ZDHHC13: variants seen among roughly 807,000 people sequenced by gnomAD.
The protein encoded by ZDHHC13 is palmitoyltransferase ZDHHC13.
Under a neutral mutation model 86.0 loss-of-function variants are expected in ZDHHC13, and 85 were observed. The observed-to-expected ratio is 0.99, with a 90% CI of 0.83 to 1.18. The LOEUF (loss-of-function observed/expected upper bound fraction) is 1.18. Among genes scored for constraint, ZDHHC13 ranks in the 50% most tolerant of loss-of-function variants. ZDHHC13 has a pLI of 0.00. For synonymous variants in ZDHHC13, 263 were observed against 246.4 expected, an observed-to-expected ratio of 1.07 and a Z score of -0.63; for missense variants, 711 against 730.2, an observed-to-expected ratio of 0.97 and a Z score of 0.30.
chr11:19,119,151 G>C (rs1256729846), intron 1 of ZDHHC13, among the ~76,000 whole-genome samples: 1 of 151,388 alleles, frequency 6.6e-6, no homozygotes, highest in Non-Finnish European at 1.5e-5. Flanking sequence ...TTGCTCTGTT[G>C]CCAGGCTGGA....
At chr11:19,155,761 T>C in intron 8 of ZDHHC13, 35 bp from the exon 9 acceptor site, 1 of 1,601,056 alleles carries the variant, frequency 6.2e-7, no homozygotes, top group South Asian at 1.1e-5. Context: ...AGAGGTAAAA[T>C]CCATAAAGTT....
In ZDHHC13 at chr11:19,174,496, A is replaced by G. The variant is rs187193065; in HGVS notation, c.1731-1326A>G. Among the ~76,000 whole-genome samples the G allele has an allele frequency of 2.4e-3, 369 of 152,370 alleles. 5 individuals are homozygous for G. The highest frequency in any genetic ancestry group is 8.5e-3 in the African/African-American group (354 of 41,584). On this transcript the variant is annotated intron_variant, in intron 16 of 16. Coordinates refer to ENST00000446113, the MANE Select transcript of ZDHHC13 (RefSeq NM_019028.3). ...TTGGTCCTTTACTGGCAGCAATGCCATCATCCCCATGCAGAACACAATCTT... is the reference window on the plus strand; with the variant it reads ...TTGGTCCTTTACTGGCAGCAATGCCGTCATCCCCATGCAGAACACAATCTT...
Position 19,134,765 on chromosome 11 carries a change from G to T in ZDHHC13, c.28-8213G>T, listed in dbSNP as rs769855392. Among the ~76,000 whole-genome samples the T allele has an allele frequency of 3.9e-3, 595 of 152,192 alleles. 3 individuals carry two copies. Among genetic ancestry groups the T allele is most frequent in the Non-Finnish European group, 5.1e-3 (344 of 68,014 alleles). On this transcript the variant is annotated intron_variant, in intron 1 of 16. Coordinates refer to ENST00000446113, the MANE Select transcript of ZDHHC13 (RefSeq NM_019028.3). ...GAGGAATACGTAATGTAGATGACAGGTTGATGGGTGCAGCAAACCACCATG... is the reference window on the plus strand; with the variant it reads ...GAGGAATACGTAATGTAGATGACAGTTTGATGGGTGCAGCAAACCACCATG...
At chr11:19,150,126 T>C (rs1218907526) in intron 5 of ZDHHC13, among the ~76,000 whole-genome samples, 1 of 152,188 alleles carries the variant, frequency 6.6e-6, no homozygotes, top group Non-Finnish European at 1.5e-5. Flanking sequence ...CTGTTTTTCT[T>C]TGGCTTAGCT....
intron 13 of ZDHHC13, 149 bp downstream of exon 13, chr11:19,165,294 C>T: frequency 1.4e-6 from 1 of 702,946 alleles, no homozygotes; most frequent in Non-Finnish European, 2.4e-6. Flanking sequence ...TATTATGCTA[C>T]AGGTAACATA....
rs1329996759 is a variant in ZDHHC13, at chr11:19,175,887, G to C, written c.1796G>C (p.Cys599Ser). ...QCGCFGLVKP[C>S]VVDWTSQYTM... ...GGCTGCTTTGGCTTGGTGAAGCCCTGTGTGGTAGATTGGACATCACAGTAC... is the reference window on the plus strand; with the variant it reads ...GGCTGCTTTGGCTTGGTGAAGCCCTCTGTGGTAGATTGGACATCACAGTAC... Residue 599 changes from cysteine (C) to serine (S), a missense_variant, in exon 17 of 17, where the codon TGT becomes TCT. Physicochemically the swap from Cys to Ser is moderately radical, Grantham distance 112. Transcript: ENST00000446113. 1 of 1,613,516 alleles carries C rather than the reference G, an allele frequency of 6.2e-7. No individual in the cohort carries two copies. The highest frequency in any genetic ancestry group is 1.3e-5 in the African/African-American group (1 of 74,894).
intron 2 of ZDHHC13, among the ~76,000 whole-genome samples, chr11:19,143,877 C>A (rs1000295298): frequency 6.6e-6 from 1 of 152,164 alleles, no homozygotes; most frequent in African/African-American, 2.4e-5. Flanking sequence ...AAGTATTAAT[C>A]CATTTTTGTA....
At chr11:19,135,121 C>T (rs552321111) in intron 1 of ZDHHC13, among the ~76,000 whole-genome samples, 10 of 152,336 alleles carry the variant, frequency 6.6e-5, no homozygotes, top group South Asian at 2.1e-4. Context: ...GCGCGAGCGA[C>T]GCAGAAGACG....
At chr11:19,138,979 A>G (rs1439153096) in intron 1 of ZDHHC13, among the ~76,000 whole-genome samples, 1 of 151,982 alleles carries the variant, frequency 6.6e-6, no homozygotes, top group Non-Finnish European at 1.5e-5. Flanking sequence ...CAAAAACTGG[A>G]AGCATTCCCT....
At position 19,143,099 on chromosome 11, in the gene ZDHHC13, A is replaced by G; in HGVS notation, c.149A>G (p.Asn50Ser). The G allele has an allele frequency of 6.2e-7, 1 of 1,612,820 alleles. No individual in the cohort carries two copies. The highest frequency in any genetic ancestry group is 1.1e-5 in the South Asian group (1 of 90,960). Residue 50 changes from asparagine to serine, a missense_variant, in exon 2 of 17, where the codon AAC becomes AGC. Physicochemically the swap from Asn to Ser is conservative, Grantham distance 46 (BLOSUM62 1). Coordinates refer to ENST00000446113, the MANE Select transcript of ZDHHC13 (RefSeq NM_019028.3). ...CTTCCTCTTATAGAGGACTCTAGTA[A>G]CTGTGACATTGTCAAAGCTACTCAG... ...EALPLIEDSS[N>S]CDIVKATQYG...
chr11:19,141,240 T>C (rs1157550733), intron 1 of ZDHHC13, among the ~76,000 whole-genome samples: 1 of 152,152 alleles, frequency 6.6e-6, no homozygotes, highest in Non-Finnish European at 1.5e-5. Context: ...TTGGTTATTA[T>C]GTAAATGAGT....
intron 1 of ZDHHC13, among the ~76,000 whole-genome samples, chr11:19,137,744 A>C (rs1241350939): frequency 1.3e-5 from 2 of 152,264 alleles, no homozygotes; most frequent in African/African-American, 4.8e-5. Context: ...ACTAGAACTC[A>C]GGATTAAGAA....
In ZDHHC13 at chr11:19,117,359, C is replaced by A. The variant is rs921038913; in HGVS notation, c.27+83C>A. 8 of 1,334,350 alleles carry A rather than the reference C, an allele frequency of 6.0e-6. No homozygotes were observed. Among genetic ancestry groups the A allele is most frequent in the Non-Finnish European group, 6.8e-6 (7 of 1,025,152 alleles). The allele number at this position is 1,334,350 out of a possible 1,614,324, so 82.7% of individuals were successfully genotyped here. A position where few individuals can be genotyped will look rare whatever the true frequency, so the allele number is the denominator to read the frequency against. ...AGGAAAGGATGGTGTGGGTGAGAGG[C>A]CGCTCGATGAGGGGGTTTCGGGAGC... On this transcript the variant is annotated intron_variant, in intron 1 of 16. Transcript: ENST00000446113. This position sits in a 1 kb window ranked among gnomAD's most constrained non-coding sequence, Gnocchi z 4.2.
intron 1 of ZDHHC13, among the ~76,000 whole-genome samples, chr11:19,124,782 A>G (rs1311763531): frequency 1.3e-5 from 2 of 151,972 alleles, no homozygotes; most frequent in African/African-American, 4.8e-5. Context: ...CTGATTATTT[A>G]CCAGATAAAT....
intron 14 of ZDHHC13, chr11:19,170,062 T>A: frequency 9.4e-7 from 1 of 1,067,018 alleles, no homozygotes; most frequent in South Asian, 3.3e-5. Flanking sequence ...CCATAGTTGC[T>A]ATAAACATGA....
At chr11:19,161,812 C>A (rs1052821600) in intron 10 of ZDHHC13, among the ~76,000 whole-genome samples, 2 of 152,038 alleles carry the variant, frequency 1.3e-5, no homozygotes, top group African/African-American at 4.8e-5. Context: ...AGCTTCTGGT[C>A]AAGTGCAAAG....
chr11:19,168,061 T>A (rs1342776260), intron 14 of ZDHHC13: 1 of 152,270 alleles, frequency 6.6e-6, no homozygotes, highest in Non-Finnish European at 1.5e-5. Context: ...GTGATTCTCC[T>A]GCCTCAGCTT....
chr11:19,130,602 TA>T (rs1475234193), intron 1 of ZDHHC13, among the ~76,000 whole-genome samples: 2 of 152,190 alleles, frequency 1.3e-5, no homozygotes, highest in Admixed American at 6.5e-5. Flanking sequence ...ACTTCGAGTT[TA>T]ATTTTCTTTC....
chr11:19,169,907 A>G, intron 14 of ZDHHC13: 2 of 986,842 alleles, frequency 2.0e-6, no homozygotes, highest in Non-Finnish European at 1.2e-6. Context: ...GTGTCAGTGC[A>G]GAAGTATACC....
Sources: allele counts gnomAD v4.1 joint callset (sites outside exome capture counted in the v4.1 genomes callset), GRCh38; gene constraint gnomAD v4.1.1; non-coding constraint Gnocchi (gnomAD v3.1); transcripts MANE v1.5; gene names NCBI Gene and HGNC (gene_info 2026-07-23, HGNC 2026-07-21).